Variants in RNF2 observed in about 807,000 individuals in gnomAD.
RNF2 encodes ring finger protein 2.
A neutral mutation model predicts 37.2 loss-of-function variants in RNF2; 6 were observed. The ratio of observed to expected loss-of-function variants is 0.16; its 90% CI spans 0.09 to 0.32. The LOEUF (loss-of-function observed/expected upper bound fraction) is 0.32, where lower values mean the gene tolerates loss of function less well. Among genes scored for constraint, RNF2 ranks in the 10% least tolerant of loss-of-function variants. RNF2 has a pLI of 1.00. For synonymous variants in RNF2, 133 were observed against 132.7 expected, an observed-to-expected ratio of 1.00 and a Z score of -0.02; for missense variants, 251 against 404.0, an observed-to-expected ratio of 0.62 and a Z score of 3.25.
Position 185,102,264 on chromosome 1 carries a change from T to G in RNF2, c.*1963T>G, listed in dbSNP as rs900142649. 3 of 151,974 alleles carry G rather than the reference T, an allele frequency of 2.0e-5. No individual in the cohort carries two copies. Among genetic ancestry groups the G allele is most frequent in the Non-Finnish European group, 4.4e-5 (3 of 67,920 alleles). The allele number at this position is 151,974 out of a possible 1,614,324, so 9.4% of individuals were successfully genotyped here. A position where few individuals can be genotyped will look rare whatever the true frequency, so the allele number is the denominator to read the frequency against. On this transcript the variant is annotated 3_prime_UTR_variant, in exon 7 of 7. Coordinates refer to ENST00000367510, the MANE Select transcript of RNF2 (RefSeq NM_007212.4). The stretch of plus-strand genomic sequence containing the variant: ...ATTTTGTGTGTGTGTGGATGTGTGT[T>G]TTGGGGTACGGGGAGAGGCGATGCT...
chr1:185,071,339 T>C (rs879587761), intron 1 of RNF2, among the ~76,000 whole-genome samples: 1 of 152,202 alleles, frequency 6.6e-6, no homozygotes, highest in Non-Finnish European at 1.5e-5. Flanking sequence ...GGAAGATATG[T>C]ATCCTGAAAG....
chr1:185,064,572 C>T (rs1336299108), intron 1 of RNF2, among the ~76,000 whole-genome samples: 1 of 152,190 alleles, frequency 6.6e-6, no homozygotes, highest in African/African-American at 2.4e-5. Flanking sequence ...ACACTTTAAG[C>T]TTATATTTTC....
chr1:185,055,544 A>C (rs1478383409), intron 1 of RNF2, among the ~76,000 whole-genome samples: 1 of 152,106 alleles, frequency 6.6e-6, no homozygotes, highest in Non-Finnish European at 1.5e-5. Flanking sequence ...CCTCCTGAGT[A>C]GCTGGGATTA....
chr1:185,046,278 T>TTGC (rs1393960236), intron 1 of RNF2: 4 of 152,200 alleles, frequency 2.6e-5, no homozygotes, highest in African/African-American at 4.8e-5. Context: ...GGAGTATCTG[T>TTGC]TGCTGCTTTC....
At chr1:185,066,563 A>T (rs1206573135) in intron 1 of RNF2, among the ~76,000 whole-genome samples, 1 of 152,174 alleles carries the variant, frequency 6.6e-6, no homozygotes, top group East Asian at 1.9e-4. Flanking sequence ...ATGTTCAAGG[A>T]TTGTCTGCCT....
intron 1 of RNF2, among the ~76,000 whole-genome samples, chr1:185,061,494 G>A (rs570248874): frequency 6.6e-6 from 1 of 152,192 alleles, no homozygotes; most frequent in South Asian, 2.1e-4. Context: ...AAGGCCAACA[G>A]TATAGAGGAA....
Position 185,098,116 on chromosome 1 carries a change from C to A in RNF2, c.509C>A (p.Ala170Glu), listed in dbSNP as rs753614736. Residue 170 changes from alanine to glutamate, a missense_variant, in exon 5 of 7, where the codon GCA (alanine) becomes GAA (glutamate). Transcript: ENST00000367510. ...KKQQIENGSG[A>E]EDNGDSSHCS... ...CAACAGATTGAAAATGGTAGTGGAG[C>A]AGAAGATAATGGTGACAGTTCACAC... is the stretch of plus-strand genomic sequence containing the variant. 1.2e-6 allele frequency: 2 copies of A among 1,614,180 alleles called. No homozygotes were observed. The highest frequency in any genetic ancestry group is 4.5e-5 in the East Asian group (2 of 44,886).
intron 1 of RNF2, among the ~76,000 whole-genome samples, chr1:185,077,733 G>C (rs1283199860): frequency 7.5e-6 from 1 of 133,768 alleles, no homozygotes; most frequent in Non-Finnish European, 1.6e-5. Flanking sequence ...TTTTTGGGCT[G>C]TTGTTGTTTG....
rs572420711 is a variant in RNF2, at chr1:185,100,364, G to A, written c.*63G>A. The A allele has an allele frequency of 7.0e-5, 74 of 1,062,298 alleles. 1 individual carries two copies. In the South Asian group the frequency reaches 9.9e-4, roughly 14 times the overall value. The allele number at this position is 1,062,298 out of a possible 1,614,324, so 65.8% of individuals were successfully genotyped here. On this transcript the variant is annotated 3_prime_UTR_variant, in exon 7 of 7. Transcript: ENST00000367510. ...AGCCTATTTCTTTAATATTAAAGAT[G>A]TACTGGCATTACTTTTATGGACAGA...
intron 4 of RNF2, among the ~76,000 whole-genome samples, chr1:185,093,695 A>C (rs1483343665): frequency 6.6e-6 from 1 of 152,172 alleles, no homozygotes; most frequent in Non-Finnish European, 1.5e-5. Flanking sequence ...TGACACAATT[A>C]ATTTCTCCCT....
At chr1:185,075,358 A>G (rs927806920) in intron 1 of RNF2, among the ~76,000 whole-genome samples, 2 of 152,076 alleles carry the variant, frequency 1.3e-5, no homozygotes, top group Admixed American at 6.5e-5. Flanking sequence ...ACCATTTTCC[A>G]TTTCAAGAAA....
At chr1:185,068,021 A>G (rs891627677) in intron 1 of RNF2, among the ~76,000 whole-genome samples, 1 of 103,750 alleles carries the variant, frequency 9.6e-6, no homozygotes, top group African/African-American at 3.8e-5. Context: ...TTTTTTTTTT[A>G]GAGACAGAGT....
chr1:185,068,898 A>G (rs1650879190), intron 1 of RNF2, among the ~76,000 whole-genome samples: 1 of 152,230 alleles, frequency 6.6e-6, no homozygotes, highest in Non-Finnish European at 1.5e-5. Context: ...TATAGACCAG[A>G]AAATTTTTAC....
chr1:185,060,898 C>T (rs1257083966), intron 1 of RNF2, among the ~76,000 whole-genome samples: 1 of 152,120 alleles, frequency 6.6e-6, no homozygotes, highest in African/African-American at 2.4e-5. Flanking sequence ...GTAGGAAGAT[C>T]ACTTGAGGCC....
chr1:185,083,564 C>T (rs992319384), intron 1 of RNF2, among the ~76,000 whole-genome samples: 4 of 151,420 alleles, frequency 2.6e-5, no homozygotes, highest in African/African-American at 9.7e-5. Flanking sequence ...TCAAGCAGTC[C>T]TCCTGCCTCA....
chr1:185,050,711 T>A (rs994971011), intron 1 of RNF2, among the ~76,000 whole-genome samples: 1 of 152,206 alleles, frequency 6.6e-6, no homozygotes, highest in Admixed American at 6.5e-5. Flanking sequence ...ATAGAAAAAT[T>A]GAAAGGGTAA....
rs529436261 is a variant in RNF2 at position 185,086,326 on chromosome 1, G to A, written c.-2-1226G>A. On this transcript the variant is annotated intron_variant, in intron 1 of 6. Transcript: ENST00000367510. ...ATTTACTAAATATTAGGATGACTGG[G>A]GTCACTTCATTTTTCTGTGTCCCAC... 3.3e-5 allele frequency among the ~76,000 whole-genome samples: 5 copies of A among 151,994 alleles called. No individual in the cohort carries two copies. In the South Asian group the frequency reaches 1.0e-3, roughly 32 times the overall value.
intron 1 of RNF2, among the ~76,000 whole-genome samples, chr1:185,069,182 G>A (rs1650890971): frequency 6.6e-6 from 1 of 152,164 alleles, no homozygotes; most frequent in African/African-American, 2.4e-5. Flanking sequence ...GGCTGGGTGA[G>A]TGGCTCATGC....
At chr1:185,056,014 T>G (rs1650424659) in intron 1 of RNF2, among the ~76,000 whole-genome samples, 1 of 152,224 alleles carries the variant, frequency 6.6e-6, no homozygotes, top group Admixed American at 6.5e-5. Flanking sequence ...ATTAAAGTAC[T>G]ATCTAGAATA....
Sources: allele counts gnomAD v4.1 joint callset (sites outside exome capture counted in the v4.1 genomes callset), GRCh38; gene constraint gnomAD v4.1.1; transcripts MANE v1.5; gene names NCBI Gene and HGNC (gene_info 2026-07-23, HGNC 2026-07-21).